RFX3: variants seen among roughly 807,000 people sequenced by gnomAD.
RFX3 encodes the protein transcription factor RFX3.
In RFX3, 14 loss-of-function variants were observed where a neutral mutation model predicts 98.6. That is an observed-to-expected ratio of 0.14 (90% CI 0.09 to 0.22). The LOEUF is 0.22. RFX3 is among the 10% of genes least tolerant of loss of function. The pLI, the probability that RFX3 is intolerant of heterozygous loss-of-function variation, is 1.00. For missense variants in RFX3, 639 were observed against 926.9 expected (o/e 0.69, Z 4.03); for synonymous variants, 383 against 328.4 (o/e 1.17, Z -1.80).
chr9:3,475,949 T>C (rs994220706), intron 1 of RFX3, among the ~76,000 whole-genome samples: 16 of 152,142 alleles, frequency 1.1e-4, no homozygotes, highest in African/African-American at 3.9e-4. Context: ...ACAGGCATCT[T>C]CCCAGACGCT....
intron 1 of RFX3, among the ~76,000 whole-genome samples, chr9:3,513,789 T>C (rs527568395): frequency 3.3e-5 from 5 of 152,204 alleles, no homozygotes; most frequent in East Asian, 1.9e-4. Context: ...CCAATCAAAA[T>C]ATTAAAATAA....
intron 1 of RFX3, among the ~76,000 whole-genome samples, chr9:3,468,345 CCCT>C (rs1848490692): frequency 6.6e-6 from 1 of 151,984 alleles, no homozygotes. Flanking sequence ...CCATCTGTGC[CCCT>C]CACCCAGAGC....
intron 1 of RFX3, among the ~76,000 whole-genome samples, chr9:3,414,664 G>GTA (rs201733556): frequency 2.2e-5 from 3 of 134,112 alleles, no homozygotes; most frequent in South Asian, 2.2e-4. Flanking sequence ...GTATATATGA[G>GTA]TATATATGTA....
chr9:3,272,064 T>C (rs886207984), intron 9 of RFX3, among the ~76,000 whole-genome samples: 1 of 152,168 alleles, frequency 6.6e-6, no homozygotes, highest in African/African-American at 2.4e-5. Flanking sequence ...TGTACCACTT[T>C]CCGTTAACTG....
At chr9:3,340,889 C>T (rs1833808132) in intron 3 of RFX3, among the ~76,000 whole-genome samples, 2 of 152,172 alleles carry the variant, frequency 1.3e-5, no homozygotes, top group Non-Finnish European at 2.9e-5. Flanking sequence ...TTTGACCCAG[C>T]CATCCCATTA....
At chr9:3,240,901 CT>C (rs1252508025) in intron 15 of RFX3, among the ~76,000 whole-genome samples, 1 of 152,164 alleles carries the variant, frequency 6.6e-6, no homozygotes, top group Non-Finnish European at 1.5e-5. Context: ...GCCAGGGAAT[CT>C]TTTTCTCTGG....
chr9:3,247,706 C>T (rs1442221420), intron 15 of RFX3: 1 of 1,507,486 alleles, frequency 6.6e-7, no homozygotes, highest in East Asian at 2.5e-5. Flanking sequence ...TTTGCTTTAT[C>T]AGGAGCACCA....
At chr9:3,500,597 A>C (rs1291439879) in intron 1 of RFX3, among the ~76,000 whole-genome samples, 1 of 152,176 alleles carries the variant, frequency 6.6e-6, no homozygotes, top group Non-Finnish European at 1.5e-5. Context: ...AATACTTTCT[A>C]GTTCTCCTGT....
At chr9:3,295,852 C>A (rs1309383238) in intron 5 of RFX3, among the ~76,000 whole-genome samples, 2 of 151,998 alleles carry the variant, frequency 1.3e-5, no homozygotes, top group Admixed American at 6.6e-5. Context: ...ATGAACTTTA[C>A]AACCAAAAGT....
At chr9:3,503,768 T>C (rs1019869219) in intron 1 of RFX3, among the ~76,000 whole-genome samples, 4 of 152,100 alleles carry the variant, frequency 2.6e-5, no homozygotes, top group Admixed American at 6.6e-5. Flanking sequence ...GACTAGATGA[T>C]AGCTATGCTA....
At chr9:3,318,800 T>C (rs1003362773) in intron 4 of RFX3, among the ~76,000 whole-genome samples, 2 of 152,212 alleles carry the variant, frequency 1.3e-5, no homozygotes, top group African/African-American at 2.4e-5. Flanking sequence ...AACATTTTCA[T>C]AGCGGGGAGA....
chr9:3,479,315 T>C (rs1849539332), intron 1 of RFX3, among the ~76,000 whole-genome samples: 2 of 152,152 alleles, frequency 1.3e-5, no homozygotes, highest in Non-Finnish European at 2.9e-5. Context: ...CACTCCACCA[T>C]TCTGGAAGTT....
intron 4 of RFX3, chr9:3,324,086 C>G (rs1587067601): frequency 4.7e-6 from 2 of 428,188 alleles, no homozygotes; most frequent in Non-Finnish European, 1.0e-5. Context: ...ATTTCAGGGA[C>G]TGAGTTGGCC....
At position 3,330,381 on chromosome 9, in the gene RFX3, T is replaced by A. The variant is rs1832451540; in HGVS notation, c.352A>T (p.Ile118Phe). Residue 118 changes from isoleucine (I) to phenylalanine (F), a missense_variant, in exon 4 of 17, where the codon ATT becomes TTT. Physicochemically the swap from Ile to Phe is conservative, Grantham distance 21. Around this residue, in one of 9 missense-constraint regions of RFX3, gnomAD observed 210 missense variants for 197.7 expected, o/e 1.06. Coordinates refer to ENST00000617270, the MANE Select transcript of RFX3 (RefSeq NM_001282116.2). ...TGTCCTCCTGTGACGCCCATCTGAA[T>A]CCCACCAGTGCCCACCATACTGTGG... ...SSHSMVGTGG[I>F]QMGVTGGQLI... 4 of 1,614,020 alleles carry A rather than the reference T, an allele frequency of 2.5e-6. No individual in the cohort carries two copies. Among genetic ancestry groups the A allele is most frequent in the Non-Finnish European group, 2.5e-6 (3 of 1,180,026 alleles).
At chr9:3,449,875 A>G (rs895750897) in intron 1 of RFX3, among the ~76,000 whole-genome samples, 1 of 151,460 alleles carries the variant, frequency 6.6e-6, no homozygotes, top group Non-Finnish European at 1.5e-5. Context: ...CTCAATAAAA[A>G]AAAAAGAAAA....
chr9:3,277,393 G>A lies in RFX3; in HGVS notation c.920C>T (p.Thr307Ile). 1 of 1,612,098 alleles carries A rather than the reference G, an allele frequency of 6.2e-7. No homozygotes were observed. Among genetic ancestry groups the A allele is most frequent in the Non-Finnish European group, 8.5e-7 (1 of 1,178,430 alleles). The change falls in exon 8 of 17, where the codon ACA becomes ATA. Residue 307 changes from threonine (T) to isoleucine (I), a missense_variant. Thr to Ile is a moderately conservative substitution (Grantham distance 89). Transcript: ENST00000617270. ...GGCAATTACAGTTTGCTCAACAGAT[G>A]TGCCTGTCTGTTGACCACTTCCTGT... Reference protein sequence around the residue: ...GFTGSGQQTGTSVEQTVIAQS... With the variant: ...GFTGSGQQTGISVEQTVIAQS...
At chr9:3,242,446 T>C (rs1186533655) in intron 15 of RFX3, among the ~76,000 whole-genome samples, 2 of 152,158 alleles carry the variant, frequency 1.3e-5, no homozygotes, top group South Asian at 2.1e-4. Context: ...TGTGATAATA[T>C]TCTTTGCTTT....
chr9:3,442,849 C>T (rs1315988852), intron 1 of RFX3, among the ~76,000 whole-genome samples: 1 of 151,980 alleles, frequency 6.6e-6, no homozygotes, highest in African/African-American at 2.4e-5. Context: ...AGTTATAATG[C>T]TAATAGCACA....
intron 2 of RFX3, among the ~76,000 whole-genome samples, chr9:3,368,499 A>C (rs1181351490): frequency 6.6e-6 from 1 of 152,222 alleles, no homozygotes; most frequent in African/African-American, 2.4e-5. Context: ...ATCTTAAAAA[A>C]TATAGAGAAA....
Sources: allele counts gnomAD v4.1 joint callset (sites outside exome capture counted in the v4.1 genomes callset), GRCh38; gene constraint gnomAD v4.1.1; regional missense constraint gnomAD v4.1.1; transcripts MANE v1.5; gene names NCBI Gene and HGNC (gene_info 2026-07-23, HGNC 2026-07-21).